Variants in ACBD6 observed in about 807,000 individuals in gnomAD.
ACBD6 encodes the protein acyl-CoA-binding domain-containing protein 6.
A neutral mutation model predicts 37.2 loss-of-function variants in ACBD6; 28 were observed. The observed-to-expected ratio is 0.75, with a 90% CI of 0.56 to 1.03. ACBD6 has a LOEUF of 1.03. ACBD6 is among the 50% of genes least tolerant of loss of function. The pLI, the probability that ACBD6 is intolerant of heterozygous loss-of-function variation, is 0.00. For missense variants in ACBD6, 340 were observed against 337.4 expected (o/e 1.01, Z -0.06); for synonymous variants, 113 against 126.8 (o/e 0.89, Z 0.73).
intron 6 of ACBD6, among the ~76,000 whole-genome samples, chr1:180,350,129 G>A (rs184754914): frequency 1.2e-3 from 183 of 150,024 alleles, no homozygotes; most frequent in African/African-American, 3.7e-3. Flanking sequence ...GGGCTCAAGC[G>A]ATCTCCCTGC....
At chr1:180,308,074 T>C (rs1321730970) in intron 7 of ACBD6, among the ~76,000 whole-genome samples, 5 of 152,262 alleles carry the variant, frequency 3.3e-5, no homozygotes, top group African/African-American at 4.8e-5. Flanking sequence ...TAGACAAATA[T>C]TTTCACCAAA....
chr1:180,347,413 G>T lies in ACBD6; in HGVS notation c.664-32691C>A, dbSNP rs892870942. Among the ~76,000 whole-genome samples the T allele has an allele frequency of 2.7e-4, 37 of 136,064 alleles. No homozygotes were observed. In the Middle Eastern group the frequency reaches 0.015, roughly 55 times the overall value. 89.3% of individuals were successfully genotyped at this position (136,064 alleles called of 152,430 possible). A position where few individuals can be genotyped will look rare whatever the true frequency, so the allele number is the denominator to read the frequency against. On this transcript the variant is annotated intron_variant, in intron 6 of 7. Coordinates refer to ENST00000367595, the MANE Select transcript of ACBD6 (RefSeq NM_032360.4). ...AGAGTCATGCTTTGTCGGCTAGGCT[G>T]GAGTAAAGTGGCGTGATCTTGGCTC...
intron 3 of ACBD6, among the ~76,000 whole-genome samples, chr1:180,479,524 G>A (rs909706362): frequency 1.3e-5 from 2 of 152,076 alleles, no homozygotes; most frequent in African/African-American, 2.4e-5. Context: ...AAAATGAAGA[G>A]AAGTGGGTTA....
intron 3 of ACBD6, among the ~76,000 whole-genome samples, chr1:180,444,745 C>G (rs750577451): frequency 1.3e-5 from 2 of 152,152 alleles, no homozygotes; most frequent in Non-Finnish European, 2.9e-5. Context: ...TGGCAGCGAA[C>G]AGGATAAAAT....
chr1:180,377,430 A>G (rs1444004015), intron 6 of ACBD6, among the ~76,000 whole-genome samples: 4 of 152,202 alleles, frequency 2.6e-5, no homozygotes, highest in Non-Finnish European at 5.9e-5. Context: ...TTTTAAACAC[A>G]TTTTCTAATA....
intron 3 of ACBD6, among the ~76,000 whole-genome samples, chr1:180,437,175 T>A (rs540670649): frequency 6.6e-6 from 1 of 152,290 alleles, no homozygotes; most frequent in African/African-American, 2.4e-5. Flanking sequence ...ACATCCTTTA[T>A]AATAAACTGG....
At position 180,409,721 on chromosome 1, in the gene ACBD6, T is replaced by C. The variant is rs562298873; in HGVS notation, c.573+3645A>G. ...ACTGGCTGTTCCTGGTCTCTCCCCC[T>C]CTCTTCAGGCTTCCCTATTCACTCA... On this transcript the variant is annotated intron_variant, in intron 5 of 7. Transcript: ENST00000367595. 2.5e-3 allele frequency among the ~76,000 whole-genome samples: 378 copies of C among 152,260 alleles called. 3 individuals carry two copies. Among genetic ancestry groups the C allele is most frequent in the Non-Finnish European group, 3.9e-3 (263 of 68,012 alleles).
intron 13 of ACBD6, chr1:180,272,532 T>G (rs749440735): frequency 1.9e-5 from 3 of 155,378 alleles, no homozygotes; most frequent in Non-Finnish European, 4.3e-5. Context: ...TCCCCACCAC[T>G]CACTTCATTC....
intron 5 of ACBD6, among the ~76,000 whole-genome samples, chr1:180,399,991 G>A (rs1306690110): frequency 2.6e-5 from 4 of 152,048 alleles, no homozygotes; most frequent in Non-Finnish European, 4.4e-5. Flanking sequence ...AATATGTCTT[G>A]TACTTTTACC....
At chr1:180,371,987 C>T (rs184437350) in intron 6 of ACBD6, among the ~76,000 whole-genome samples, 76 of 152,244 alleles carry the variant, frequency 5.0e-4, no homozygotes, top group African/African-American at 1.6e-3. Flanking sequence ...CCCACAGTCA[C>T]GTGGTAGTTG....
Position 180,273,792 on chromosome 1 carries a change from C to T in ACBD6, c.*1112+145G>A, listed in dbSNP as rs573146549. On this transcript the variant is annotated intron_variant, in intron 11 of 13. Coordinates refer to the ACBD6 transcript ENST00000642319. ...TCAACTAAACCAAGCCCTTTCTCAG[C>T]TTGAAAGCTTTCAGGGTAAATGTTG... 3.8e-4 allele frequency: 95 copies of T among 250,988 alleles called. 3 individuals are homozygous for T. The South Asian group carries it at 4.7e-3, about 13-fold the overall frequency. The allele number at this position is 250,988 out of a possible 1,614,324, so 15.5% of individuals were successfully genotyped here.
intron 6 of ACBD6, among the ~76,000 whole-genome samples, chr1:180,376,818 T>G (rs1345723435): frequency 6.6e-6 from 1 of 152,166 alleles, no homozygotes; most frequent in Non-Finnish European, 1.5e-5. Context: ...ATATCTATAG[T>G]AATGTTTCAG....
intron 8 of ACBD6, among the ~76,000 whole-genome samples, chr1:180,281,580 G>A (rs746101541): frequency 1.3e-5 from 2 of 152,152 alleles, no homozygotes; most frequent in African/African-American, 2.4e-5. Context: ...TGCCACACTT[G>A]CTTAGAAGAA....
At chr1:180,431,720 G>A (rs1036336725) in intron 3 of ACBD6, among the ~76,000 whole-genome samples, 5 of 151,952 alleles carry the variant, frequency 3.3e-5, no homozygotes, top group African/African-American at 1.2e-4. Context: ...CTTGGCGCTC[G>A]AGATGATAAC....
chr1:180,408,284 G>A (rs984801370), intron 5 of ACBD6, among the ~76,000 whole-genome samples: 3 of 152,106 alleles, frequency 2.0e-5, no homozygotes, highest in African/African-American at 7.2e-5. Context: ...GATTCAATCA[G>A]AAAGCTGAAA....
chr1:180,324,727 A>G (rs2764444), intron 6 of ACBD6, among the ~76,000 whole-genome samples: 19,725 of 152,116 alleles, frequency 0.13, 2,126 homozygotes, highest in African/African-American at 0.3. Context: ...TCATTAACAT[A>G]CTTTTCCTTC....
At chr1:180,444,570 T>C (rs2102017988) in intron 3 of ACBD6, among the ~76,000 whole-genome samples, 1 of 152,340 alleles carries the variant, frequency 6.6e-6, no homozygotes, top group East Asian at 1.9e-4. Context: ...TTCCTTTCTA[T>C]ACACTTCATC....
At chr1:180,444,084 A>G (rs1649389943) in intron 3 of ACBD6, among the ~76,000 whole-genome samples, 1 of 152,080 alleles carries the variant, frequency 6.6e-6, no homozygotes, top group South Asian at 2.1e-4. Context: ...TAAGTCCTAC[A>G]AACATTAATT....
At chr1:180,419,409 T>C (rs1324885102) in intron 4 of ACBD6, among the ~76,000 whole-genome samples, 4 of 152,198 alleles carry the variant, frequency 2.6e-5, no homozygotes, top group African/African-American at 9.7e-5. Flanking sequence ...AATGATGGCA[T>C]GTTTTTCTTA....
Sources: allele counts gnomAD v4.1 joint callset (sites outside exome capture counted in the v4.1 genomes callset), GRCh38; gene constraint gnomAD v4.1.1; transcripts MANE v1.5; gene names NCBI Gene and HGNC (gene_info 2026-07-23, HGNC 2026-07-21).